Variants in FGF12 observed in about 807,000 individuals in gnomAD.
FGF12 encodes fibroblast growth factor 12B.
In FGF12, 14 loss-of-function variants were observed where a neutral mutation model predicts 23.6. That is an observed-to-expected ratio of 0.59 (90% CI 0.39 to 0.93). The LOEUF (loss-of-function observed/expected upper bound fraction) is 0.93. FGF12 is among the 40% of genes least tolerant of loss of function. The pLI, the probability that FGF12 is intolerant of heterozygous loss-of-function variation, is 0.00. For synonymous variants in FGF12, 62 were observed against 77.3 expected, an observed-to-expected ratio of 0.80 and a Z score of 1.04; for missense variants, 175 against 217.8, an observed-to-expected ratio of 0.80 and a Z score of 1.24.
chr3:192,322,468 T>C (rs1439211429), intron 4 of FGF12, among the ~76,000 whole-genome samples: 1 of 150,198 alleles, frequency 6.7e-6, no homozygotes, highest in Non-Finnish European at 1.5e-5. Context: ...AAAAAAATAA[T>C]CCTAAAATTT....
At chr3:192,217,009 T>C (rs763620595) in intron 4 of FGF12, among the ~76,000 whole-genome samples, 15 of 152,228 alleles carry the variant, frequency 9.9e-5, no homozygotes, top group Non-Finnish European at 2.2e-4. Flanking sequence ...AAGGAAAGCA[T>C]GTTTACTGAG....
intron 4 of FGF12, among the ~76,000 whole-genome samples, chr3:192,332,823 G>A (rs1327731313): frequency 1.3e-5 from 2 of 152,048 alleles, no homozygotes; most frequent in African/African-American, 4.8e-5. Context: ...CCCAACTACA[G>A]TGTTGCCTAC....
intron 2 of FGF12, among the ~76,000 whole-genome samples, chr3:192,726,144 A>G (rs961942558): frequency 6.6e-6 from 1 of 152,226 alleles, no homozygotes; most frequent in Non-Finnish European, 1.5e-5. Flanking sequence ...GAAATAGGTA[A>G]CTCACCACCA....
At chr3:192,429,119 A>G (rs1355800951) in intron 2 of FGF12, among the ~76,000 whole-genome samples, 1 of 152,180 alleles carries the variant, frequency 6.6e-6, no homozygotes, top group East Asian at 1.9e-4. Context: ...TACTTCACAA[A>G]TTAATATTGA....
rs1272816790 is a variant in FGF12 at position 192,598,194 on chromosome 3, T to G, written c.13+128987A>C. Among the ~76,000 whole-genome samples the G allele has an allele frequency of 5.3e-5, 8 of 152,298 alleles. No homozygotes were observed. In the East Asian group the frequency reaches 1.5e-3, roughly 29 times the overall value. On this transcript the variant is annotated intron_variant, in intron 2 of 5. Transcript: ENST00000445105. Reference sequence around the variant, plus strand: ...CAGTCTAACTGGTATAACAGAACTCTACACAACTACAGTTAGAAAAGCTAA... The same window carrying G: ...CAGTCTAACTGGTATAACAGAACTCGACACAACTACAGTTAGAAAAGCTAA...
chr3:192,544,045 C>A (rs1431780793), intron 2 of FGF12, among the ~76,000 whole-genome samples: 1 of 152,178 alleles, frequency 6.6e-6, no homozygotes, highest in African/African-American at 2.4e-5. Flanking sequence ...CACATGCCCC[C>A]CAAGTTCACT....
chr3:192,582,217 A>T (rs2108615063), intron 2 of FGF12, among the ~76,000 whole-genome samples: 1 of 152,334 alleles, frequency 6.6e-6, no homozygotes, highest in South Asian at 2.1e-4. Context: ...TAGAATCTCT[A>T]TAAAGTTATT....
intron 2 of FGF12, among the ~76,000 whole-genome samples, chr3:192,500,928 C>T (rs563214240): frequency 2.6e-4 from 39 of 152,292 alleles, no homozygotes; most frequent in African/African-American, 8.7e-4. Flanking sequence ...CTCAGAGCCA[C>T]GTAAAACCCA....
At chr3:192,621,371 C>T (rs1285809825) in intron 2 of FGF12, among the ~76,000 whole-genome samples, 1 of 152,046 alleles carries the variant, frequency 6.6e-6, no homozygotes, top group Non-Finnish European at 1.5e-5. Context: ...AACTAAGTTT[C>T]TGTGTAGTTC....
chr3:192,287,084 T>G (rs946856599), intron 4 of FGF12, among the ~76,000 whole-genome samples: 1 of 151,980 alleles, frequency 6.6e-6, no homozygotes, highest in African/African-American at 2.4e-5. Context: ...ATAAGAAAAA[T>G]ATAGCATTTG....
At chr3:192,362,413 G>A (rs1255481379) in intron 2 of FGF12, among the ~76,000 whole-genome samples, 2 of 151,818 alleles carry the variant, frequency 1.3e-5, no homozygotes, top group Non-Finnish European at 2.9e-5. Flanking sequence ...ACAGTCCCAG[G>A]TGTGTGATGT....
At chr3:192,386,147 AAC>A (rs747619897) in intron 2 of FGF12, among the ~76,000 whole-genome samples, 2 of 152,230 alleles carry the variant, frequency 1.3e-5, no homozygotes, top group Admixed American at 6.5e-5. Flanking sequence ...CTCCAACATG[AAC>A]ACAGTCTTCT....
chr3:192,285,445 G>A (rs955484671), intron 4 of FGF12, among the ~76,000 whole-genome samples: 15 of 151,998 alleles, frequency 9.9e-5, no homozygotes, highest in African/African-American at 3.6e-4. Context: ...TTATTACAGG[G>A]AATGCAACAT....
At chr3:192,687,811 C>A (rs1717809663) in intron 2 of FGF12, among the ~76,000 whole-genome samples, 1 of 152,166 alleles carries the variant, frequency 6.6e-6, no homozygotes, top group South Asian at 2.1e-4. Context: ...GTCAGCCTGA[C>A]CCCTGTCCCA....
intron 2 of FGF12, among the ~76,000 whole-genome samples, chr3:192,383,774 C>T (rs1219995501): frequency 6.6e-6 from 1 of 151,966 alleles, no homozygotes; most frequent in Non-Finnish European, 1.5e-5. Context: ...AGAAGAGGAA[C>T]AGATTTAGAA....
At chr3:192,484,382 T>A (rs1421379507) in intron 2 of FGF12, among the ~76,000 whole-genome samples, 1 of 148,850 alleles carries the variant, frequency 6.7e-6, no homozygotes, top group Non-Finnish European at 1.5e-5. Context: ...TAGAACCTGA[T>A]ATAAACATAG....
chr3:192,624,806 T>C (rs1274943816), intron 2 of FGF12, among the ~76,000 whole-genome samples: 2 of 152,262 alleles, frequency 1.3e-5, no homozygotes, highest in East Asian at 3.9e-4. Flanking sequence ...AAACCGAAAG[T>C]GTAAGAGACC....
intron 2 of FGF12, among the ~76,000 whole-genome samples, chr3:192,621,075 T>C (rs974912222): frequency 1.3e-5 from 2 of 152,180 alleles, no homozygotes; most frequent in African/African-American, 4.8e-5. Context: ...CAACCTTACA[T>C]TCTCTTCAAG....
At chr3:192,245,369 TGGCCTCCCAAA>T (rs1261424432) in intron 4 of FGF12, among the ~76,000 whole-genome samples, 1 of 152,064 alleles carries the variant, frequency 6.6e-6, no homozygotes, top group Non-Finnish European at 1.5e-5. Flanking sequence ...CCTCCTGCCT[TGGCCTCCCAAA>T]ATGCTGGGAT....
Sources: allele counts gnomAD v4.1 joint callset (sites outside exome capture counted in the v4.1 genomes callset), GRCh38; gene constraint gnomAD v4.1.1; transcripts MANE v1.5; gene names NCBI Gene and HGNC (gene_info 2026-07-23, HGNC 2026-07-21).